The following BIRC6 variants were observed in gnomAD, a reference collection of about 807,000 sequenced individuals.
The protein encoded by BIRC6 is dual E2 ubiquitin-conjugating enzyme/E3 ubiquitin-protein ligase BIRC6.
A neutral mutation model predicts 503.3 loss-of-function variants in BIRC6; 98 were observed. The observed-to-expected ratio is 0.19, with a 90% confidence interval of 0.17 to 0.23. The LOEUF is 0.23. Among genes scored for constraint, BIRC6 ranks in the 10% least tolerant of loss-of-function variants. The pLI, the probability that BIRC6 is intolerant of heterozygous loss-of-function variation, is 1.00. For missense variants in BIRC6, 5,360 were observed against 5,806.0 expected (o/e 0.92, Z 2.50); for synonymous variants, 2,240 against 2,078.7 (o/e 1.08, Z -2.11).
At chr2:32,373,714 A>G (rs570148502) in intron 1 of BIRC6, among the ~76,000 whole-genome samples, 4 of 152,322 alleles carry the variant, frequency 2.6e-5, no homozygotes, top group Non-Finnish European at 5.9e-5. Context: ...TAGAATTACC[A>G]TATGATCGCT....
At chr2:32,363,067 A>T (rs192157206) in intron 1 of BIRC6, among the ~76,000 whole-genome samples, 2 of 152,300 alleles carry the variant, frequency 1.3e-5, no homozygotes, top group East Asian at 1.9e-4. Flanking sequence ...GCTGTGGCTC[A>T]TGCCTGGGGT....
At chr2:32,440,958 A>C (rs1401765016) in intron 16 of BIRC6, among the ~76,000 whole-genome samples, 1 of 151,780 alleles carries the variant, frequency 6.6e-6, no homozygotes, top group Non-Finnish European at 1.5e-5. Flanking sequence ...ATAGGGTTTC[A>C]CTGTGTTGGT....
intron 22 of BIRC6, among the ~76,000 whole-genome samples, chr2:32,452,633 C>G (rs2046845365): frequency 1.3e-5 from 2 of 152,088 alleles, no homozygotes; most frequent in Admixed American, 6.5e-5. Flanking sequence ...ATGAAACTCT[C>G]TTATTCTTCC....
At chr2:32,601,832 T>A (rs1417534552) in intron 70 of BIRC6, among the ~76,000 whole-genome samples, 1 of 152,118 alleles carries the variant, frequency 6.6e-6, no homozygotes, top group Non-Finnish European at 1.5e-5. Flanking sequence ...TGAGGAACCC[T>A]GGGAAGCCTG....
chr2:32,411,052 C>T (rs1269737575), intron 9 of BIRC6, among the ~76,000 whole-genome samples: 1 of 148,580 alleles, frequency 6.7e-6, no homozygotes, highest in African/African-American at 2.5e-5. Context: ...CATTTTTTTT[C>T]TTTTAAGACG....
chr2:32,478,694 C>G lies in BIRC6; in HGVS notation c.7128C>G (p.Asn2376Lys), dbSNP rs753263113. The G allele has an allele frequency of 1.9e-6, 3 of 1,613,878 alleles. No individual in the cohort carries two copies. In the South Asian group the frequency reaches 3.3e-5, roughly 18 times the overall value. The change falls in exon 36 of 74, where the codon AAC (asparagine) becomes AAG (lysine). Residue 2376 changes from asparagine (N) to lysine (K), a missense_variant. Physicochemically the swap from Asn to Lys is moderately conservative, Grantham distance 94. This residue lies in a region of BIRC6 where 2,299 missense variants were observed against 2,267.2 expected (regional missense o/e 1.01). Coordinates refer to ENST00000421745, the MANE Select transcript of BIRC6 (RefSeq NM_016252.4). Reference protein sequence around the residue: ...RPTIHLCEIVNEPQLERLLLL... With the variant: ...RPTIHLCEIVKEPQLERLLLL... ...CTATTCATCTGTGTGAGATTGTGAA[C>G]GAACCCCAGCTGGAAAGACTGCTGT... is the stretch of plus-strand genomic sequence containing the variant.
intron 15 of BIRC6, among the ~76,000 whole-genome samples, chr2:32,437,944 T>C (rs1391169303): frequency 6.6e-6 from 1 of 152,140 alleles, no homozygotes; most frequent in East Asian, 1.9e-4. Flanking sequence ...GAAATAGAAA[T>C]ATTGGTGTTT....
In BIRC6 at chr2:32,549,492, C is replaced by G; in HGVS notation, c.13144+11C>G. ...TACGAAATGATTCAGGTAAATAATCCCTGTAAATGTGTCTGTGGATGAATA... is the reference window on the plus strand; with the variant it reads ...TACGAAATGATTCAGGTAAATAATCGCTGTAAATGTGTCTGTGGATGAATA... On this transcript the variant is annotated intron_variant, in intron 65 of 73. Coordinates refer to ENST00000421745, the MANE Select transcript of BIRC6 (RefSeq NM_016252.4). 5 of 1,397,368 alleles carry G rather than the reference C, an allele frequency of 3.6e-6. No individual in the cohort carries two copies. The highest frequency in any genetic ancestry group is 4.7e-6 in the Non-Finnish European group (5 of 1,054,012). 86.6% of individuals were successfully genotyped at this position (1,397,368 alleles called of 1,614,324 possible). A position where few individuals can be genotyped will look rare whatever the true frequency, so the allele number is the denominator to read the frequency against.
At chr2:32,400,773 T>C (rs532941201) in intron 6 of BIRC6, among the ~76,000 whole-genome samples, 96 of 152,310 alleles carry the variant, frequency 6.3e-4, no homozygotes, top group African/African-American at 2.0e-3. Flanking sequence ...CTGATAGATA[T>C]GGAGAATTTT....
intron 49 of BIRC6, among the ~76,000 whole-genome samples, chr2:32,503,449 G>A (rs183121913): frequency 1.9e-4 from 29 of 152,182 alleles, no homozygotes; most frequent in Admixed American, 5.2e-4. Context: ...TTGAGACGGA[G>A]TTTTGCTCTT....
chr2:32,407,511 G>T (rs1199672577), intron 9 of BIRC6, among the ~76,000 whole-genome samples: 1 of 150,620 alleles, frequency 6.6e-6, no homozygotes, highest in Non-Finnish European at 1.5e-5. Flanking sequence ...TGCCTGGGAA[G>T]TACCCAGTAT....
intron 9 of BIRC6, among the ~76,000 whole-genome samples, chr2:32,407,218 G>T (rs1260813280): frequency 1.3e-5 from 2 of 152,050 alleles, no homozygotes; most frequent in African/African-American, 4.8e-5. Flanking sequence ...GGCCACAGCG[G>T]GTGGATCACC....
chr2:32,611,618 TAA>T (rs757545909), intron 73 of BIRC6, 36 bp downstream of exon 73: 1 of 1,503,932 alleles, frequency 6.6e-7, no homozygotes, highest in Non-Finnish European at 8.9e-7. Context: ...CTTGTTGCTT[TAA>T]GAGTTGTGTA....
rs1391677827 is a variant in BIRC6, at chr2:32,465,010, T to C, written c.5257-55T>C. 7 of 1,334,620 alleles carry C rather than the reference T, an allele frequency of 5.2e-6. No homozygotes were observed. The East Asian group carries it at 1.3e-4, about 24-fold the overall frequency. The allele number at this position is 1,334,620 out of a possible 1,614,324, so 82.7% of individuals were successfully genotyped here. A position where few individuals can be genotyped will look rare whatever the true frequency, so the allele number is the denominator to read the frequency against. On this transcript the variant is annotated intron_variant, in intron 25 of 73. Coordinates refer to ENST00000421745, the MANE Select transcript of BIRC6 (RefSeq NM_016252.4). ...TTGCTATTATGGTTAGTAGTTTTTATAGAACTATAGTAATATCAATATAAA... is the reference window on the plus strand; with the variant it reads ...TTGCTATTATGGTTAGTAGTTTTTACAGAACTATAGTAATATCAATATAAA...
intron 6 of BIRC6, among the ~76,000 whole-genome samples, chr2:32,397,534 A>G (rs1399394534): frequency 6.7e-6 from 1 of 149,436 alleles, no homozygotes; most frequent in Non-Finnish European, 1.5e-5. Flanking sequence ...TTTTCAGTTT[A>G]AGTTGAGTTT....
chr2:32,500,614 T>G (rs1283365893), intron 46 of BIRC6, among the ~76,000 whole-genome samples: 4 of 149,018 alleles, frequency 2.7e-5, no homozygotes, highest in Admixed American at 2.0e-4. Context: ...TTGTTTTTTT[T>G]TTTTTTTTTG....
intron 21 of BIRC6, among the ~76,000 whole-genome samples, chr2:32,447,287 C>G (rs1167339615): frequency 6.9e-5 from 10 of 145,748 alleles, no homozygotes; most frequent in African/African-American, 1.5e-4. Flanking sequence ...CAGACGGGGT[C>G]GTGGCCGGGC....
intron 1 of BIRC6, among the ~76,000 whole-genome samples, chr2:32,372,759 G>T (rs1443592430): frequency 6.6e-6 from 1 of 152,104 alleles, no homozygotes; most frequent in African/African-American, 2.4e-5. Context: ...GAGCCCTGGA[G>T]GTCAAAGCTG....
In BIRC6 at chr2:32,399,749, G is replaced by A. The variant is rs560403269; in HGVS notation, c.1035-1414G>A. 3.3e-5 allele frequency among the ~76,000 whole-genome samples: 5 copies of A among 151,948 alleles called. No individual in the cohort carries two copies. In the East Asian group the frequency reaches 9.7e-4, roughly 29 times the overall value. On this transcript the variant is annotated intron_variant, in intron 6 of 73. Coordinates refer to ENST00000421745, the MANE Select transcript of BIRC6 (RefSeq NM_016252.4). Reference sequence around the variant, plus strand: ...AGTCATTATACCAGTCTTGATATGAGGTCCTAGTATTTTATTTTTATATTT... The same window carrying A: ...AGTCATTATACCAGTCTTGATATGAAGTCCTAGTATTTTATTTTTATATTT...
Sources: allele counts gnomAD v4.1 joint callset (sites outside exome capture counted in the v4.1 genomes callset), GRCh38; gene constraint gnomAD v4.1.1; regional missense constraint gnomAD v4.1.1; transcripts MANE v1.5; gene names NCBI Gene and HGNC (gene_info 2026-07-23, HGNC 2026-07-21).